RBFOX1: variants seen among roughly 807,000 people sequenced by gnomAD.
RBFOX1 encodes RNA binding protein fox-1 homolog 1.
Under a neutral mutation model 57.7 loss-of-function variants are expected in RBFOX1, and 8 were observed. The observed-to-expected ratio is 0.14, with a 90% confidence interval of 0.08 to 0.25. The LOEUF (loss-of-function observed/expected upper bound fraction) is 0.25, where lower values mean the gene tolerates loss of function less well. RBFOX1 is among the 10% of genes least tolerant of loss of function. RBFOX1 has a pLI of 1.00. For missense variants in RBFOX1, 611 were observed against 548.5 expected (o/e 1.11, Z -1.14); for synonymous variants, 326 against 222.4 (o/e 1.47, Z -4.15).
At chr16:5,404,698 C>A (rs2066814143) in intron 1 of RBFOX1, among the ~76,000 whole-genome samples, 1 of 152,118 alleles carries the variant, frequency 6.6e-6, no homozygotes, top group Non-Finnish European at 1.5e-5. Flanking sequence ...ATAGGGAAAC[C>A]CATGCATGGC....
At chr16:6,086,506 G>A (rs959933984) in intron 1 of RBFOX1, among the ~76,000 whole-genome samples, 4 of 152,026 alleles carry the variant, frequency 2.6e-5, no homozygotes, top group Admixed American at 2.0e-4. Flanking sequence ...AGGCCTGAGT[G>A]TTCTTTTAGA....
chr16:5,410,769 C>G (rs991796956), intron 1 of RBFOX1, among the ~76,000 whole-genome samples: 4 of 114,506 alleles, frequency 3.5e-5, no homozygotes, highest in Admixed American at 8.3e-5. Context: ...AATGCCCTGT[C>G]CTCTCCTTTC....
intron 3 of RBFOX1, among the ~76,000 whole-genome samples, chr16:6,821,601 G>C (rs955293316): frequency 5.9e-5 from 9 of 152,110 alleles, no homozygotes; most frequent in African/African-American, 2.2e-4. Context: ...TGTCACAATG[G>C]ATGTGTCCGT....
rs189558476 is a variant in RBFOX1, at chr16:5,560,440, C to T, written c.259-38462C>T. Among the ~76,000 whole-genome samples the T allele has an allele frequency of 1.1e-4, 17 of 152,254 alleles. No individual in the cohort carries two copies. The East Asian group carries it at 1.2e-3, about 10-fold the overall frequency. ...TTTGAGATGGCTTCTCCCCGCACTC[C>T]GGTGTTATTACACTGCACTGCAATC... is the stretch of plus-strand genomic sequence containing the variant. On this transcript the variant is annotated intron_variant, in intron 2 of 2. Coordinates refer to the RBFOX1 transcript ENST00000585867.
intron 4 of RBFOX1, among the ~76,000 whole-genome samples, chr16:7,108,931 C>G (rs542007625): frequency 1.3e-5 from 2 of 152,226 alleles, no homozygotes; most frequent in East Asian, 3.9e-4. Context: ...ATTCAACAAA[C>G]TCAGACATAT....
chr16:5,265,504 A>T (rs1360302167), intron 1 of RBFOX1, among the ~76,000 whole-genome samples: 1 of 152,216 alleles, frequency 6.6e-6, no homozygotes, highest in Non-Finnish European at 1.5e-5. Context: ...AGTGTGACTG[A>T]TTCCCAACTA....
intron 4 of RBFOX1, among the ~76,000 whole-genome samples, chr16:7,339,494 G>A (rs2096853040): frequency 6.6e-6 from 1 of 152,200 alleles, no homozygotes; most frequent in Non-Finnish European, 1.5e-5. Flanking sequence ...AGGCTGTAGT[G>A]CAGTGGCATG....
At chr16:5,817,489 A>G (rs1002713906) in intron 3 of RBFOX1, among the ~76,000 whole-genome samples, 4 of 152,162 alleles carry the variant, frequency 2.6e-5, no homozygotes, top group Admixed American at 2.6e-4. Context: ...TAATGGATGA[A>G]CAAGTGAGTG....
At chr16:5,660,120 C>T (rs1353528872) in intron 3 of RBFOX1, among the ~76,000 whole-genome samples, 1 of 152,162 alleles carries the variant, frequency 6.6e-6, no homozygotes, top group Non-Finnish European at 1.5e-5. Flanking sequence ...GATACAAATG[C>T]CTTGTCTGCA....
intron 3 of RBFOX1, among the ~76,000 whole-genome samples, chr16:6,927,937 G>C (rs2075898654): frequency 6.6e-6 from 1 of 152,158 alleles, no homozygotes; most frequent in Non-Finnish European, 1.5e-5. Flanking sequence ...AATGGCATTG[G>C]TCATAATCTT....
chr16:6,975,466 C>T (rs535047032), intron 3 of RBFOX1, among the ~76,000 whole-genome samples: 6 of 152,188 alleles, frequency 3.9e-5, no homozygotes, highest in African/African-American at 1.4e-4. Flanking sequence ...GGGGTTTCAC[C>T]ATCTTGGCCA....
At chr16:5,697,889 C>A (rs1028703837) in intron 3 of RBFOX1, among the ~76,000 whole-genome samples, 1 of 152,008 alleles carries the variant, frequency 6.6e-6, no homozygotes, top group Non-Finnish European at 1.5e-5. Flanking sequence ...TGGTAGATAA[C>A]CATAATAGGT....
intron 2 of RBFOX1, among the ~76,000 whole-genome samples, chr16:6,533,912 G>A (rs1246856087): frequency 6.6e-6 from 1 of 151,990 alleles, no homozygotes; most frequent in Non-Finnish European, 1.5e-5. Flanking sequence ...CCCATAAAAA[G>A]ACATTAAGAG....
intron 4 of RBFOX1, among the ~76,000 whole-genome samples, chr16:7,096,969 A>C (rs1258854588): frequency 6.7e-6 from 1 of 149,478 alleles, no homozygotes. Flanking sequence ...AGAATAGGGA[A>C]GTGGTGGTTT....
chr16:6,023,451 T>C (rs1347600335), intron 1 of RBFOX1, among the ~76,000 whole-genome samples: 2 of 152,210 alleles, frequency 1.3e-5, no homozygotes, highest in African/African-American at 2.4e-5. Flanking sequence ...ATCCAGAAAA[T>C]TGGGTCTGCC....
At chr16:5,629,811 G>A (rs1317545067) in intron 3 of RBFOX1, among the ~76,000 whole-genome samples, 1 of 152,220 alleles carries the variant, frequency 6.6e-6, no homozygotes, top group Non-Finnish European at 1.5e-5. Flanking sequence ...GGCTAAGAGG[G>A]TAGGTTTGGA....
chr16:5,602,686 A>AT (rs1441180239), downstream of RBFOX1, among the ~76,000 whole-genome samples: 1 of 151,840 alleles, frequency 6.6e-6, no homozygotes, highest in Non-Finnish European at 1.5e-5. Context: ...AGACCCTTTT[A>AT]TTTTTTTTCT....
intron 1 of RBFOX1, among the ~76,000 whole-genome samples, chr16:5,392,019 A>C (rs1203458126): frequency 6.6e-6 from 1 of 152,122 alleles, no homozygotes; most frequent in African/African-American, 2.4e-5. Context: ...TTCTAAGTGA[A>C]GTAACTCAGG....
In RBFOX1 at chr16:5,428,384, C is replaced by A. The variant is rs559290270; in HGVS notation, c.220-38832C>A. Among the ~76,000 whole-genome samples, 3 of 152,108 alleles carry A rather than the reference C, an allele frequency of 2.0e-5. No individual in the cohort carries two copies. The East Asian group carries it at 5.8e-4, about 29-fold the overall frequency. On this transcript the variant is annotated intron_variant, in intron 1 of 2. Coordinates refer to the RBFOX1 transcript ENST00000585867. The stretch of plus-strand genomic sequence containing the variant: ...AAGATTTTTTAAGTAGGAGGCGTCC[C>A]CAACAGTCCTTTTTCAACAGTGGCC...
Sources: gnomAD v4.1 joint callset for allele counts (sites outside exome capture counted in the v4.1 genomes callset) on GRCh38, gnomAD v4.1.1 for gene constraint, MANE v1.5 for transcripts, NCBI Gene and HGNC (gene_info 2026-07-23, HGNC 2026-07-21) for gene names.